Variants in RYR2 observed in about 807,000 individuals in gnomAD.
The protein encoded by RYR2 is ryanodine receptor 2.
In RYR2, 227 loss-of-function variants were observed where a neutral mutation model predicts 601.1. That is an observed-to-expected ratio of 0.38 (90% CI 0.34 to 0.42). The LOEUF is 0.42. RYR2 is among the 10% of genes least tolerant of loss of function. The probability of loss-of-function intolerance (pLI) is 1.00; values close to 1 mark genes in which losing one functional copy is unlikely to be tolerated. For missense variants in RYR2, 4,646 were observed against 6,156.5 expected, an observed-to-expected ratio of 0.75 and a Z score of 8.21; for synonymous variants, 2,223 against 2,175.1, an observed-to-expected ratio of 1.02 and a Z score of -0.61.
At chr1:237,296,154 C>G (rs1692760899) in intron 2 of RYR2, among the ~76,000 whole-genome samples, 1 of 152,022 alleles carries the variant, frequency 6.6e-6, no homozygotes, top group South Asian at 2.1e-4. Context: ...GTGGACTGTT[C>G]AAAGACAGAA....
chr1:237,820,130 T>C (rs1662288070), intron 101 of RYR2, among the ~76,000 whole-genome samples: 1 of 136,692 alleles, frequency 7.3e-6, no homozygotes, highest in South Asian at 2.2e-4. Context: ...GAGGTTGCAG[T>C]GAGCAGAGAT....
At position 237,494,979 on chromosome 1, in the gene RYR2, C is replaced by A. The variant is rs964938864; in HGVS notation, c.1962-1532C>A. On this transcript the variant is annotated intron_variant, in intron 19 of 104. Transcript: ENST00000366574. Reference sequence around the variant, plus strand: ...CTAATTTTTGTATTTTTAGTAGAGACGGGGTTTCACCATGTTGGCCAGCCT... The same window carrying A: ...CTAATTTTTGTATTTTTAGTAGAGAAGGGGTTTCACCATGTTGGCCAGCCT... Among the ~76,000 whole-genome samples, 3 of 151,862 alleles carry A rather than the reference C, an allele frequency of 2.0e-5. No individual in the cohort carries two copies. In the East Asian group the frequency reaches 5.8e-4, roughly 29 times the overall value.
chr1:237,648,405 A>T, intron 48 of RYR2, 39 bp from the exon 49 acceptor site: 1 of 1,545,978 alleles, frequency 6.5e-7, no homozygotes. Context: ...CCTGTATATG[A>T]CACAGCCATT....
chr1:237,193,486 C>T (rs1011860542), intron 1 of RYR2, among the ~76,000 whole-genome samples: 3 of 151,980 alleles, frequency 2.0e-5, no homozygotes, highest in Non-Finnish European at 4.4e-5. Context: ...ATCTTGAATG[C>T]TTTTGAGTGA....
chr1:237,564,867 A>G (rs1165424843), intron 27 of RYR2, among the ~76,000 whole-genome samples: 1 of 152,200 alleles, frequency 6.6e-6, no homozygotes, highest in Non-Finnish European at 1.5e-5. Flanking sequence ...ATAGGGAGCC[A>G]TCTCATGCTA....
chr1:237,366,690 A>G (rs1700223934), intron 5 of RYR2, among the ~76,000 whole-genome samples: 5 of 137,132 alleles, frequency 3.6e-5, no homozygotes, highest in Non-Finnish European at 6.5e-5. Context: ...ACACACACAC[A>G]CACACACACA....
intron 25 of RYR2, among the ~76,000 whole-genome samples, chr1:237,533,911 A>C (rs1277704559): frequency 6.6e-6 from 1 of 152,132 alleles, no homozygotes; most frequent in African/African-American, 2.4e-5. Context: ...GCTTTGAAGC[A>C]TATACTTTTG....
chr1:237,266,346 G>C (rs1689058611), intron 1 of RYR2, among the ~76,000 whole-genome samples: 1 of 152,112 alleles, frequency 6.6e-6, no homozygotes, highest in African/African-American at 2.4e-5. Flanking sequence ...GTGTGTGTGT[G>C]TGTGTGTACA....
rs1662220540 is a variant in RYR2, at chr1:237,819,644, C to T, written c.14590+452C>T. Among the ~76,000 whole-genome samples the T allele has an allele frequency of 6.6e-6, 1 of 151,798 alleles. No individual in the cohort carries two copies. The highest frequency in any genetic ancestry group is 2.4e-5 in the African/African-American group (1 of 41,300). On this transcript the variant is annotated intron_variant, in intron 101 of 104. Coordinates refer to ENST00000366574, the MANE Select transcript of RYR2 (RefSeq NM_001035.3). The surrounding 1 kb of genome is among the most constrained non-coding windows in gnomAD (Gnocchi z 4.0). ...AGACCAGCCTGACCAACATGGTAAA[C>T]CCCATCTCTACTAAAAATACAAAAC...
At chr1:237,311,310 A>G (rs1427640512) in intron 2 of RYR2, among the ~76,000 whole-genome samples, 2 of 152,184 alleles carry the variant, frequency 1.3e-5, no homozygotes, top group African/African-American at 2.4e-5. Context: ...TCAGGAAGGT[A>G]TATATGAATT....
chr1:237,479,349 C>G (rs1014396591), intron 17 of RYR2, among the ~76,000 whole-genome samples: 2 of 152,206 alleles, frequency 1.3e-5, no homozygotes, highest in Admixed American at 1.3e-4. Flanking sequence ...CTTCCTTCCC[C>G]TTACTTTACA....
At chr1:237,322,917 C>A (rs907887664) in intron 2 of RYR2, among the ~76,000 whole-genome samples, 1 of 150,082 alleles carries the variant, frequency 6.7e-6, no homozygotes, top group Non-Finnish European at 1.5e-5. Context: ...CAAAGTAATT[C>A]GTGGCTAGAG....
intron 104 of RYR2, among the ~76,000 whole-genome samples, chr1:237,831,869 A>G (rs1663832768): frequency 1.5e-5 from 2 of 133,798 alleles, no homozygotes; most frequent in Non-Finnish European, 1.6e-5. Flanking sequence ...GTCTTTGTTT[A>G]ATCAGATAGA....
chr1:237,417,321 C>T (rs1705111806), intron 11 of RYR2, among the ~76,000 whole-genome samples, 198 bp downstream of exon 11: 1 of 152,074 alleles, frequency 6.6e-6, no homozygotes, highest in Non-Finnish European at 1.5e-5. Context: ...AGTTCACCAG[C>T]TAGCAAACCT....
intron 38 of RYR2, among the ~76,000 whole-genome samples, chr1:237,618,883 C>T (rs74859868): frequency 0.018 from 2,676 of 152,276 alleles, 30 homozygotes; most frequent in Non-Finnish European, 0.027. Context: ...GCAAGACACT[C>T]TTACCTTTCT....
intron 1 of RYR2, among the ~76,000 whole-genome samples, chr1:237,231,306 T>C (rs540048914): frequency 5.3e-4 from 80 of 151,334 alleles, no homozygotes; most frequent in African/African-American, 1.8e-3. Context: ...TAGTGTCTTT[T>C]TTTCTTTCTT....
At chr1:237,693,890 A>T (rs1687167077) in intron 63 of RYR2, among the ~76,000 whole-genome samples, 2 of 152,258 alleles carry the variant, frequency 1.3e-5, no homozygotes, top group African/African-American at 4.8e-5. Context: ...TGACGTCTTT[A>T]AATGATGATT....
At chr1:237,350,602 A>AAAAAATATAT (rs1558665984) in intron 3 of RYR2, among the ~76,000 whole-genome samples, 1 of 37,010 alleles carries the variant, frequency 2.7e-5, no homozygotes, top group South Asian at 1.2e-3. Context: ...AAAAAAAAAA[A>AAAAAATATAT]ATATATATAT....
At chr1:237,739,886 T>A (rs1212828322) in intron 79 of RYR2, among the ~76,000 whole-genome samples, 1 of 152,230 alleles carries the variant, frequency 6.6e-6, no homozygotes, top group East Asian at 1.9e-4. Flanking sequence ...ATTACTGTGT[T>A]ATGTATTCGT....
Sources: allele counts gnomAD v4.1 joint callset (sites outside exome capture counted in the v4.1 genomes callset), GRCh38; gene constraint gnomAD v4.1.1; non-coding constraint Gnocchi (gnomAD v3.1); transcripts MANE v1.5; gene names NCBI Gene and HGNC (gene_info 2026-07-23, HGNC 2026-07-21).